Variants in MTMR7 observed in about 807,000 individuals in gnomAD.
MTMR7 encodes the protein phosphatidylinositol-3-phosphate phosphatase MTMR7.
Under a neutral mutation model 81.2 loss-of-function variants are expected in MTMR7, and 76 were observed. That is an observed-to-expected ratio of 0.94 (90% CI 0.78 to 1.13). The LOEUF (loss-of-function observed/expected upper bound fraction) is 1.13. Among genes scored for constraint, MTMR7 ranks in the 50% most tolerant of loss-of-function variants. The pLI, the probability that MTMR7 is intolerant of heterozygous loss-of-function variation, is 0.00. For synonymous variants in MTMR7, 372 were observed against 289.8 expected (o/e 1.28, Z -2.88); for missense variants, 1,044 against 820.0 (o/e 1.27, Z -3.34).
At chr8:17,365,179 G>A (rs932194408) in intron 3 of MTMR7, among the ~76,000 whole-genome samples, 7 of 152,142 alleles carry the variant, frequency 4.6e-5, no homozygotes, top group Non-Finnish European at 8.8e-5. Flanking sequence ...GAGGTTGAGC[G>A]TTTGTTCATG....
chr8:17,371,313 C>A, intron 2 of MTMR7, 114 bp from the exon 3 acceptor site: 1 of 1,191,106 alleles, frequency 8.4e-7, no homozygotes. Context: ...CAACCTCCAG[C>A]TAGCTCAACC....
intron 6 of MTMR7, among the ~76,000 whole-genome samples, chr8:17,337,844 A>G (rs1050865398): frequency 6.6e-6 from 1 of 152,126 alleles, no homozygotes; most frequent in Non-Finnish European, 1.5e-5. Flanking sequence ...GTGTCTCCCA[A>G]AAAATGTCAA....
At chr8:17,345,137 T>C (rs767258171) in intron 5 of MTMR7, among the ~76,000 whole-genome samples, 2 of 152,204 alleles carry the variant, frequency 1.3e-5, no homozygotes, top group African/African-American at 2.4e-5. Flanking sequence ...ACATAACCCA[T>C]GTGCGTAAGG....
Position 17,361,217 on chromosome 8 carries a change from C to T in MTMR7, c.368G>A (p.Arg123Lys). 2 of 1,614,164 alleles carry T rather than the reference C, an allele frequency of 1.2e-6. No individual in the cohort carries two copies. The highest frequency in any genetic ancestry group is 1.7e-6 in the Non-Finnish European group (2 of 1,180,012). Reference protein sequence around the residue: ...SFNPMLDKEEREQGWVLIDLS... With the variant: ...SFNPMLDKEEKEQGWVLIDLS... Reference sequence around the variant, plus strand: ...ATCGATCAGCACCCAGCCTTGCTCTCTTTCTTCTTTATCCAGCATGGGGTT... The same window carrying T: ...ATCGATCAGCACCCAGCCTTGCTCTTTTTCTTCTTTATCCAGCATGGGGTT... Residue 123 changes from arginine (R) to lysine (K), a missense_variant, in exon 4 of 14, where the codon AGA becomes AAA. Coordinates refer to ENST00000180173, the MANE Select transcript of MTMR7 (RefSeq NM_004686.5).
At position 17,304,181 on chromosome 8, in the gene MTMR7, C is replaced by T. The variant is rs193276655; in HGVS notation, c.1493+198G>A. On this transcript the variant is annotated intron_variant, in intron 12 of 13. Transcript: ENST00000180173. The stretch of plus-strand genomic sequence containing the variant: ...AAACATCACCTCCTGAAGAAAATTC[C>T]ACATTTAGGAGGAATAAAGAGGCAG... 5.1e-4 allele frequency among the ~76,000 whole-genome samples: 78 copies of T among 152,156 alleles called. 1 individual carries two copies. The highest frequency in any genetic ancestry group is 4.6e-3 in the Admixed American group (71 of 15,274).
At chr8:17,336,846 C>A (rs1449248611) in intron 6 of MTMR7, among the ~76,000 whole-genome samples, 1 of 152,118 alleles carries the variant, frequency 6.6e-6, no homozygotes, top group Non-Finnish European at 1.5e-5. Context: ...AGAGCTTCCA[C>A]GTGGAAACGA....
chr8:17,374,635 A>G (rs1023438596), intron 1 of MTMR7, among the ~76,000 whole-genome samples: 4 of 151,830 alleles, frequency 2.6e-5, no homozygotes, highest in Non-Finnish European at 5.9e-5. Flanking sequence ...AAATAAATAA[A>G]TAAATAAAAT....
intron 5 of MTMR7, among the ~76,000 whole-genome samples, chr8:17,344,129 T>C (rs1819486435): frequency 6.6e-6 from 1 of 152,238 alleles, no homozygotes; most frequent in Non-Finnish European, 1.5e-5. Flanking sequence ...GACCTATTAT[T>C]GGCTCCACTT....
intron 10 of MTMR7, among the ~76,000 whole-genome samples, chr8:17,308,585 AAATTTT>A (rs1428294523): frequency 6.6e-6 from 1 of 152,248 alleles, no homozygotes; most frequent in Admixed American, 6.5e-5. Flanking sequence ...GCCTAAATTT[AAATTTT>A]ATCACCAAAG....
chr8:17,310,404 G>A (rs1324433696), intron 9 of MTMR7, among the ~76,000 whole-genome samples: 1 of 152,174 alleles, frequency 6.6e-6, no homozygotes, highest in East Asian at 1.9e-4. Context: ...ATATGAACTA[G>A]TGGAAGTCTG....
chr8:17,373,292 C>A, intron 1 of MTMR7, 52 bp from the exon 2 acceptor site: 1 of 1,562,406 alleles, frequency 6.4e-7, no homozygotes, highest in Non-Finnish European at 8.7e-7. Flanking sequence ...AAGAGCAATT[C>A]ACGAAATAAA....
chr8:17,389,833 G>GA lies in MTMR7; in HGVS notation c.25-16594dup, dbSNP rs199924071. Among the ~76,000 whole-genome samples the GA allele has an allele frequency of 4.5e-4, 68 of 150,394 alleles. 1 individual carries two copies. The East Asian group carries it at 7.0e-3, about 16-fold the overall frequency. ...AACTAAAATGGAGAATACTGGAGGAGAAAAAAAAACATGTTTGTTGAAAGA... is the reference window on the plus strand; with the variant it reads ...AACTAAAATGGAGAATACTGGAGGAGAAAAAAAAAACATGTTTGTTGAAAGA... On this transcript the variant is annotated intron_variant, in intron 1 of 13. Transcript: ENST00000180173.
At chr8:17,385,373 G>A (rs938824337) in intron 1 of MTMR7, among the ~76,000 whole-genome samples, 1 of 152,128 alleles carries the variant, frequency 6.6e-6, no homozygotes, top group Non-Finnish European at 1.5e-5. Context: ...GGGACCTGGT[G>A]GGAGGTAACT....
At position 17,347,213 on chromosome 8, in the gene MTMR7, T is replaced by A. The variant is rs934561602; in HGVS notation, c.597+1740A>T. 3.0e-3 allele frequency among the ~76,000 whole-genome samples: 436 copies of A among 144,358 alleles called. 1 individual carries two copies. Among genetic ancestry groups the A allele is most frequent in the Non-Finnish European group, 5.3e-3 (349 of 66,006 alleles). 94.7% of individuals were successfully genotyped at this position (144,358 alleles called of 152,430 possible). A position where few individuals can be genotyped will look rare whatever the true frequency, so the allele number is the denominator to read the frequency against. On this transcript the variant is annotated intron_variant, in intron 5 of 13. Transcript: ENST00000180173. Reference sequence around the variant, plus strand: ...TGTTTCCGAAAAAAAAAAAAAAAAATCACATCTTCCTTTGCCTCTAACCAG... The same window carrying A: ...TGTTTCCGAAAAAAAAAAAAAAAAAACACATCTTCCTTTGCCTCTAACCAG...
chr8:17,364,461 A>C (rs1459224979), intron 3 of MTMR7, among the ~76,000 whole-genome samples: 2 of 152,208 alleles, frequency 1.3e-5, no homozygotes, highest in Non-Finnish European at 2.9e-5. Context: ...TAGCGTTTCG[A>C]AATGTACACT....
chr8:17,323,941 A>G (rs1020322612), intron 7 of MTMR7, among the ~76,000 whole-genome samples: 3 of 152,200 alleles, frequency 2.0e-5, no homozygotes, highest in African/African-American at 7.2e-5. Flanking sequence ...TTTAAAATTA[A>G]TCTTTGAACT....
At chr8:17,309,243 C>T (rs770860364) in intron 10 of MTMR7, 34 bp downstream of exon 10, 3 of 1,352,950 alleles carry the variant, frequency 2.2e-6, no homozygotes, top group South Asian at 2.4e-5. Flanking sequence ...TGCTTTTATT[C>T]TAAACATTCA....
intron 9 of MTMR7, among the ~76,000 whole-genome samples, chr8:17,310,201 A>G (rs1817705527): frequency 6.6e-6 from 1 of 151,776 alleles, no homozygotes; most frequent in East Asian, 1.9e-4. Flanking sequence ...AGGTCTCGCC[A>G]TGTTGCCCAG....
intron 1 of MTMR7, among the ~76,000 whole-genome samples, chr8:17,409,442 C>A (rs553548850): frequency 1.3e-5 from 2 of 152,208 alleles, no homozygotes; most frequent in Admixed American, 6.5e-5. Context: ...CCAGCCTGGG[C>A]CACAGAGCAA....
Sources: allele counts gnomAD v4.1 joint callset (sites outside exome capture counted in the v4.1 genomes callset), GRCh38; gene constraint gnomAD v4.1.1; transcripts MANE v1.5; gene names NCBI Gene and HGNC (gene_info 2026-07-23, HGNC 2026-07-21).